CAMTA1: variants seen among roughly 807,000 people sequenced by gnomAD.
CAMTA1 encodes calmodulin binding transcription activator 1.
CAMTA1 carries 27 observed loss-of-function variants against 170.9 expected under a neutral mutation model. That is an observed-to-expected ratio of 0.16 (90% CI 0.12 to 0.22). CAMTA1 has a LOEUF of 0.22. Among genes scored for constraint, CAMTA1 ranks in the 10% least tolerant of loss-of-function variants. The pLI is 1.00. For synonymous variants in CAMTA1, 833 were observed against 891.5 expected, an observed-to-expected ratio of 0.93 and a Z score of 1.17; for missense variants, 1,619 against 2,217.2, an observed-to-expected ratio of 0.73 and a Z score of 5.42.
intron 3 of CAMTA1, among the ~76,000 whole-genome samples, chr1:6,837,856 A>T (rs1653921784): frequency 6.6e-6 from 1 of 152,142 alleles, no homozygotes; most frequent in Non-Finnish European, 1.5e-5. Context: ...CTGTGTGGTG[A>T]TTATGTATTT....
chr1:7,170,152 A>T (rs923280809), intron 4 of CAMTA1, among the ~76,000 whole-genome samples: 1 of 152,200 alleles, frequency 6.6e-6, no homozygotes, highest in African/African-American at 2.4e-5. Flanking sequence ...CTATATGAAC[A>T]TTTAAATGAA....
intron 4 of CAMTA1, among the ~76,000 whole-genome samples, chr1:7,132,102 A>G (rs975700502): frequency 6.6e-6 from 1 of 152,080 alleles, no homozygotes; most frequent in South Asian, 2.1e-4. Flanking sequence ...GTTCATTTTC[A>G]CAATTATTTT....
intron 5 of CAMTA1, among the ~76,000 whole-genome samples, chr1:7,314,759 A>G (rs974608487): frequency 6.6e-6 from 1 of 152,190 alleles, no homozygotes; most frequent in Non-Finnish European, 1.5e-5. Flanking sequence ...TGACAGTTAC[A>G]GAGTTCCCCC....
intron 5 of CAMTA1, among the ~76,000 whole-genome samples, chr1:7,348,708 G>A (rs907332085): frequency 3.9e-5 from 6 of 152,166 alleles, no homozygotes; most frequent in Admixed American, 6.5e-5. Flanking sequence ...GCAGCCACAG[G>A]GGGTGTTCGG....
chr1:7,196,392 T>C (rs1271577866), intron 4 of CAMTA1, among the ~76,000 whole-genome samples: 1 of 152,204 alleles, frequency 6.6e-6, no homozygotes, highest in Non-Finnish European at 1.5e-5. Context: ...AACAGACTAA[T>C]ACAGTATGTG....
intron 3 of CAMTA1, among the ~76,000 whole-genome samples, chr1:7,031,833 G>A (rs890816282): frequency 3.3e-5 from 5 of 151,974 alleles, no homozygotes; most frequent in African/African-American, 7.2e-5. Context: ...GAGTCACCAC[G>A]CCCAGCCAAT....
At chr1:7,497,954 G>A (rs964358590) in intron 6 of CAMTA1, among the ~76,000 whole-genome samples, 3 of 152,188 alleles carry the variant, frequency 2.0e-5, no homozygotes, top group Non-Finnish European at 2.9e-5. Context: ...GACAGGCCTT[G>A]TCTGCTGGGC....
In CAMTA1 at chr1:7,665,436, G is replaced by A. The variant is rs144454506; in HGVS notation, c.2652+237G>A. Among the ~76,000 whole-genome samples the A allele has an allele frequency of 1.8e-3, 267 of 152,268 alleles. 1 individual carries two copies. The highest frequency in any genetic ancestry group is 5.2e-3 in the African/African-American group (214 of 41,534). ...CTTTAAAGTCAGGGGGTCTTTGGCC[G>A]GGTGCCATGGCTCAAACCTGTAATC... On this transcript the variant is annotated intron_variant, in intron 9 of 22. Coordinates refer to ENST00000303635, the MANE Select transcript of CAMTA1 (RefSeq NM_015215.4). The surrounding 1 kb of genome is among the most constrained non-coding windows in gnomAD (Gnocchi z 4.3).
rs1674583011 is a variant in CAMTA1 at position 7,300,409 on chromosome 1, G to A, written c.438+50783G>A. Among the ~76,000 whole-genome samples the A allele has an allele frequency of 6.6e-6, 1 of 152,332 alleles. No homozygotes were observed. Among genetic ancestry groups the A allele is most frequent in the South Asian group, 2.1e-4 (1 of 4,824 alleles). On this transcript the variant is annotated intron_variant, in intron 5 of 22. Transcript: ENST00000303635. This position sits in a 1 kb window ranked among gnomAD's most constrained non-coding sequence, Gnocchi z 4.1. ...AATTGTATAGAGGCCAGGCGCAGTG[G>A]CTCACGCCTGTAATCCCCATACTTT...
chr1:7,003,069 T>G (rs1213937944), intron 3 of CAMTA1, among the ~76,000 whole-genome samples: 2 of 152,242 alleles, frequency 1.3e-5, no homozygotes, highest in African/African-American at 4.8e-5. Context: ...ATTTTAAGAC[T>G]TGTCCTGTGC....
chr1:7,198,388 A>G (rs1655974057), intron 4 of CAMTA1, among the ~76,000 whole-genome samples: 1 of 151,828 alleles, frequency 6.6e-6, no homozygotes, highest in South Asian at 2.1e-4. Context: ...ACGTGGTGTG[A>G]GTGGTACAGG....
At chr1:6,951,710 T>G (rs893355148) in intron 3 of CAMTA1, among the ~76,000 whole-genome samples, 2 of 152,022 alleles carry the variant, frequency 1.3e-5, no homozygotes, top group Non-Finnish European at 2.9e-5. Flanking sequence ...CTCCCCAGAG[T>G]GGGTCCAGGG....
chr1:7,216,768 C>T lies in CAMTA1; in HGVS notation c.303-32723C>T, dbSNP rs1659819807. ...TCAAGTGATCCACCATTCTTGGCCT[C>T]CCAAATTGCTGGGTGTGAGCCATCA... On this transcript the variant is annotated intron_variant, in intron 4 of 22. Transcript: ENST00000303635. This position sits in a 1 kb window ranked among gnomAD's most constrained non-coding sequence, Gnocchi z 4.0. Among the ~76,000 whole-genome samples, 1 of 152,148 alleles carries T rather than the reference C, an allele frequency of 6.6e-6. No homozygotes were observed. The highest frequency in any genetic ancestry group is 2.4e-5 in the African/African-American group (1 of 41,420).
intron 4 of CAMTA1, among the ~76,000 whole-genome samples, chr1:7,232,065 CTCCCTGAGTGGGTGG>C (rs1662935164): frequency 6.6e-6 from 1 of 152,224 alleles, no homozygotes; most frequent in African/African-American, 2.4e-5. Flanking sequence ...TGGTTTTGTT[CTCCCTGAGTGGGTGG>C]TCCCCGCAGA....
chr1:7,171,159 C>CTGG (rs1473131809), intron 4 of CAMTA1, among the ~76,000 whole-genome samples: 1 of 152,138 alleles, frequency 6.6e-6, no homozygotes, highest in African/African-American at 2.4e-5. Flanking sequence ...ACCTGTTCTC[C>CTGG]TGGAACGTGA....
At chr1:7,398,177 CTCTCTCTCTCTCTCTCTA>C (rs2089500016) in intron 5 of CAMTA1, among the ~76,000 whole-genome samples, 2 of 42,168 alleles carry the variant, frequency 4.7e-5, no homozygotes, top group African/African-American at 1.9e-4. Flanking sequence ...CTCTCTCTCT[CTCTCTCTCTCTCTCTCTA>C]TATATATATA....
At chr1:7,133,071 T>A (rs1645353786) in intron 4 of CAMTA1, among the ~76,000 whole-genome samples, 1 of 152,226 alleles carries the variant, frequency 6.6e-6, no homozygotes, top group Non-Finnish European at 1.5e-5. Flanking sequence ...CATCTTAGTC[T>A]GGTTTTATAT....
At chr1:7,498,983 CGT>C (rs1475722588) in intron 6 of CAMTA1, among the ~76,000 whole-genome samples, 1 of 112,576 alleles carries the variant, frequency 8.9e-6, no homozygotes, top group Admixed American at 9.7e-5. Context: ...GTCTGGTGTG[CGT>C]GTGTATGTAT....
intron 6 of CAMTA1, among the ~76,000 whole-genome samples, chr1:7,504,963 G>T (rs1317631878): frequency 6.7e-6 from 1 of 149,760 alleles, no homozygotes; most frequent in Non-Finnish European, 1.5e-5. Flanking sequence ...ATGCCTCATG[G>T]GCACAGCTGG....
Sources: allele counts gnomAD v4.1 joint callset (sites outside exome capture counted in the v4.1 genomes callset), GRCh38; gene constraint gnomAD v4.1.1; non-coding constraint Gnocchi (gnomAD v3.1); transcripts MANE v1.5; gene names NCBI Gene and HGNC (gene_info 2026-07-23, HGNC 2026-07-21).